VPS13D: variants seen among roughly 807,000 people sequenced by gnomAD.
VPS13D encodes vacuolar protein sorting 13 homolog D, also known as intermembrane lipid transfer protein VPS13D.
VPS13D carries 187 observed loss-of-function variants against 461.9 expected under a neutral mutation model. That is an observed-to-expected ratio of 0.40 (90% CI 0.36 to 0.46). VPS13D has a LOEUF of 0.46. VPS13D is among the 20% of genes least tolerant of loss of function. The pLI is 0.60. For synonymous variants in VPS13D, 1,951 were observed against 1,986.3 expected (o/e 0.98, Z 0.47); for missense variants, 4,711 against 5,364.9 (o/e 0.88, Z 3.81).
intron 62 of VPS13D, among the ~76,000 whole-genome samples, chr1:12,403,001 C>G (rs1251922005): frequency 6.6e-6 from 1 of 152,244 alleles, no homozygotes; most frequent in Non-Finnish European, 1.5e-5. Flanking sequence ...CTGTCTGTAG[C>G]TGTTTCTGCT....
intron 37 of VPS13D, among the ~76,000 whole-genome samples, chr1:12,332,042 C>T (rs1001623158): frequency 2.0e-5 from 3 of 152,178 alleles, no homozygotes; most frequent in South Asian, 4.1e-4. Flanking sequence ...AAGAGATTAG[C>T]AAAAATTAAG....
At chr1:12,409,750 G>A in intron 63 of VPS13D, 1 of 391,748 alleles carries the variant, frequency 2.6e-6, no homozygotes, top group South Asian at 1.9e-5. Flanking sequence ...CCAGCTTATA[G>A]CAGACCCAGG....
At chr1:12,328,838 G>A (rs1471582430) in intron 36 of VPS13D, among the ~76,000 whole-genome samples, 3 of 151,938 alleles carry the variant, frequency 2.0e-5, no homozygotes, top group African/African-American at 7.3e-5. Context: ...CGCGCCTGGC[G>A]AGGTTGAGGT....
At chr1:12,405,227 G>T (rs577898929) in intron 63 of VPS13D, among the ~76,000 whole-genome samples, 9 of 152,358 alleles carry the variant, frequency 5.9e-5, no homozygotes, top group Admixed American at 2.6e-4. Context: ...TGTGAACCTG[G>T]TGTTGCCAGA....
intron 65 of VPS13D, among the ~76,000 whole-genome samples, chr1:12,428,278 G>T (rs893966139): frequency 2.0e-5 from 3 of 152,170 alleles, no homozygotes; most frequent in Admixed American, 6.5e-5. Flanking sequence ...ATGTGGAGGC[G>T]CAGTTGGTCC....
intron 65 of VPS13D, among the ~76,000 whole-genome samples, chr1:12,419,774 A>T (rs1181959098): frequency 6.6e-6 from 1 of 152,212 alleles, no homozygotes; most frequent in Non-Finnish European, 1.5e-5. Context: ...CAAACACCAT[A>T]CTATATCACA....
At chr1:12,344,281 G>A (rs919178287) in intron 42 of VPS13D, among the ~76,000 whole-genome samples, 1 of 152,254 alleles carries the variant, frequency 6.6e-6, no homozygotes, top group South Asian at 2.1e-4. Flanking sequence ...GCTTTTTGTG[G>A]TGCTTTCAGT....
At chr1:12,282,210 T>C (rs755736885) in intron 20 of VPS13D, among the ~76,000 whole-genome samples, 8 of 152,182 alleles carry the variant, frequency 5.3e-5, no homozygotes, top group Admixed American at 2.6e-4. Flanking sequence ...AATAAGAAAT[T>C]GTAATTAAAA....
At position 12,356,462 on chromosome 1, in the gene VPS13D, T is replaced by C; in HGVS notation, c.9936T>C (p.His3312=). The C allele has an allele frequency of 6.2e-7, 1 of 1,611,286 alleles. No individual in the cohort carries two copies. The highest frequency in any genetic ancestry group is 1.3e-5 in the African/African-American group (1 of 74,984). Residue 3312 remains histidine, a synonymous_variant, in exon 49 of 70, where the codon CAT becomes CAC. Transcript: ENST00000620676. Reference sequence around the variant, plus strand: ...ATGCTGCAGGCCAGTTTGAGGAGCATGAGCTGGCCCGTAGCCTGAGTCCTC... The same window carrying C: ...ATGCTGCAGGCCAGTTTGAGGAGCACGAGCTGGCCCGTAGCCTGAGTCCTC... ...KTDAAGQFEE[H]ELARSLSPLL...
At chr1:12,248,486 G>T (rs182623474) in intron 5 of VPS13D, among the ~76,000 whole-genome samples, 41 of 152,172 alleles carry the variant, frequency 2.7e-4, no homozygotes, top group African/African-American at 8.7e-4. Context: ...GAGACTGCAG[G>T]CTCGTGCCAC....
chr1:12,327,278 A>G (rs900046135), intron 35 of VPS13D, among the ~76,000 whole-genome samples: 2 of 152,176 alleles, frequency 1.3e-5, no homozygotes, highest in African/African-American at 2.4e-5. Flanking sequence ...TTAGGTACCA[A>G]GTGGCGCCGT....
At chr1:12,386,085 G>A in intron 59 of VPS13D, 100 bp from the exon 60 acceptor site, 1 of 1,365,006 alleles carries the variant, frequency 7.3e-7, no homozygotes, top group Non-Finnish European at 9.9e-7. Flanking sequence ...TGAGAGATCG[G>A]GAGTAGAGGA....
intron 24 of VPS13D, among the ~76,000 whole-genome samples, chr1:12,297,262 C>T (rs1177378437): frequency 6.6e-6 from 1 of 152,010 alleles, no homozygotes; most frequent in Non-Finnish European, 1.5e-5. Flanking sequence ...TCTTTGTATT[C>T]TTAATGTTTG....
intron 52 of VPS13D, among the ~76,000 whole-genome samples, chr1:12,365,983 G>A (rs1325665853): frequency 1.3e-5 from 2 of 151,774 alleles, no homozygotes; most frequent in African/African-American, 4.8e-5. Context: ...AGTTCACTGT[G>A]ACTTTGAACA....
chr1:12,464,493 A>C (rs1570228700), intron 67 of VPS13D, among the ~76,000 whole-genome samples: 1 of 152,186 alleles, frequency 6.6e-6, no homozygotes, highest in African/African-American at 2.4e-5. Context: ...TCCTTCCAGT[A>C]ATCCATCTGA....
chr1:12,250,030 T>G (rs576224363), intron 6 of VPS13D, among the ~76,000 whole-genome samples: 1 of 152,264 alleles, frequency 6.6e-6, no homozygotes, highest in South Asian at 2.1e-4. Context: ...ACAGTTCCCC[T>G]CCTCAGGTTT....
intron 67 of VPS13D, among the ~76,000 whole-genome samples, chr1:12,463,491 C>T (rs1398697775): frequency 6.6e-6 from 1 of 152,174 alleles, no homozygotes; most frequent in Non-Finnish European, 1.5e-5. Context: ...GTGGCTCACA[C>T]CTGTAATCCA....
chr1:12,278,137 T>C, intron 19 of VPS13D, 99 bp downstream of exon 19: 10 of 1,260,272 alleles, frequency 7.9e-6, no homozygotes, highest in Non-Finnish European at 1.1e-5. Flanking sequence ...TCCTTTTCTT[T>C]TAGAATAATC....
At chr1:12,347,542 C>T (rs1249010930) in intron 44 of VPS13D, among the ~76,000 whole-genome samples, 2 of 152,140 alleles carry the variant, frequency 1.3e-5, no homozygotes, top group African/African-American at 2.4e-5. Flanking sequence ...GAAGCTGGAG[C>T]TTCGATGATG....
Sources: gnomAD v4.1 joint callset for allele counts (sites outside exome capture counted in the v4.1 genomes callset) on GRCh38, gnomAD v4.1.1 for gene constraint, MANE v1.5 for transcripts, NCBI Gene and HGNC (gene_info 2026-07-23, HGNC 2026-07-21) for gene names.